The following PHLDB2 variants were observed in gnomAD, a reference collection of about 807,000 sequenced individuals.
PHLDB2 encodes the protein pleckstrin homology like domain family B member 2.
In PHLDB2, 71 loss-of-function variants were observed where a neutral mutation model predicts 123.6. The ratio of observed to expected loss-of-function variants is 0.57; its 90% CI spans 0.47 to 0.70. The LOEUF (loss-of-function observed/expected upper bound fraction) is 0.70. Ranked by LOEUF, PHLDB2 falls within the 30% of genes least tolerant of loss-of-function variation. PHLDB2 has a pLI of 0.00. For synonymous variants in PHLDB2, 547 were observed against 541.6 expected (o/e 1.01, Z -0.14); for missense variants, 1,446 against 1,519.5 (o/e 0.95, Z 0.80).
At chr3:111,781,824 G>A (rs989851231) in intron 1 of PHLDB2, among the ~76,000 whole-genome samples, 1 of 152,018 alleles carries the variant, frequency 6.6e-6, no homozygotes, top group Non-Finnish European at 1.5e-5. Context: ...AAAAGAATCC[G>A]GAGAACTTTG....
At chr3:111,831,126 A>T (rs1177523503) in intron 1 of PHLDB2, among the ~76,000 whole-genome samples, 1 of 152,116 alleles carries the variant, frequency 6.6e-6, no homozygotes, top group African/African-American at 2.4e-5. Context: ...ATCCCTACCT[A>T]TACTTAATCA....
At chr3:111,795,963 C>A (rs1039227446) in intron 1 of PHLDB2, among the ~76,000 whole-genome samples, 1 of 152,198 alleles carries the variant, frequency 6.6e-6, no homozygotes, top group Non-Finnish European at 1.5e-5. Flanking sequence ...GTGGCGCGAT[C>A]TCGGCTGACT....
chr3:111,946,625 C>T (rs767732781), intron 9 of PHLDB2, among the ~76,000 whole-genome samples: 3 of 152,112 alleles, frequency 2.0e-5, no homozygotes, highest in Non-Finnish European at 4.4e-5. Context: ...ATGAACAAAG[C>T]GTGGTTGTGA....
At chr3:111,826,322 T>A (rs529485305) in intron 1 of PHLDB2, among the ~76,000 whole-genome samples, 1 of 151,842 alleles carries the variant, frequency 6.6e-6, no homozygotes, top group Non-Finnish European at 1.5e-5. Flanking sequence ...AAAAAAAAAA[T>A]TTAATTCAAA....
rs994385029 is a variant in PHLDB2 at position 111,925,437 on chromosome 3, C to T, written c.2001+5018C>T. Among the ~76,000 whole-genome samples the T allele has an allele frequency of 3.3e-5, 5 of 152,252 alleles. No homozygotes were observed. In the South Asian group the frequency reaches 1.0e-3, roughly 32 times the overall value. ...CTGACCTTGAGATACATGCCACCTG[C>T]CGGTTGTGTTCTCGGATAGTAGCCA... On this transcript the variant is annotated intron_variant, in intron 5 of 17. Transcript: ENST00000431670.
At chr3:111,846,000 T>G (rs564922506) in intron 2 of PHLDB2, 11 of 1,507,216 alleles carry the variant, frequency 7.3e-6, no homozygotes, top group Non-Finnish European at 1.0e-5. Flanking sequence ...TCATACATAT[T>G]GGGAATGAGC....
At chr3:111,891,389 G>A (rs1226430886) in intron 2 of PHLDB2, among the ~76,000 whole-genome samples, 1 of 152,004 alleles carries the variant, frequency 6.6e-6, no homozygotes, top group African/African-American at 2.4e-5. Context: ...AAAAGAGCAT[G>A]AACACTATTG....
At chr3:111,902,409 G>T (rs1463413939) in intron 2 of PHLDB2, among the ~76,000 whole-genome samples, 1 of 152,190 alleles carries the variant, frequency 6.6e-6, no homozygotes, top group Admixed American at 6.5e-5. Flanking sequence ...AGTGAGCCAT[G>T]ATCACATTAT....
At chr3:111,863,898 C>T (rs1349722862) in intron 1 of PHLDB2, among the ~76,000 whole-genome samples, 1 of 152,206 alleles carries the variant, frequency 6.6e-6, no homozygotes, top group African/African-American at 2.4e-5. Flanking sequence ...CTCCTGTTTA[C>T]ATTGCTATGG....
chr3:111,965,050 G>A (rs2071664199), intron 13 of PHLDB2, among the ~76,000 whole-genome samples: 1 of 152,170 alleles, frequency 6.6e-6, no homozygotes, highest in African/African-American at 2.4e-5. Context: ...TTGGGGCAAT[G>A]AAGTTTATCC....
intron 1 of PHLDB2, among the ~76,000 whole-genome samples, chr3:111,776,633 C>G (rs1255107962): frequency 6.6e-6 from 1 of 152,112 alleles, no homozygotes; most frequent in Non-Finnish European, 1.5e-5. Flanking sequence ...TGTAATAACT[C>G]ATACACCTAG....
At chr3:111,815,078 C>T (rs562515595) in intron 1 of PHLDB2, among the ~76,000 whole-genome samples, 2 of 152,152 alleles carry the variant, frequency 1.3e-5, no homozygotes, top group East Asian at 1.9e-4. Context: ...TTGCCTGCTG[C>T]CATCCATGTA....
chr3:111,857,450 C>CAA (rs72339280), upstream of PHLDB2, among the ~76,000 whole-genome samples: 344 of 113,306 alleles, frequency 3.0e-3, 1 homozygote, highest in South Asian at 0.016. Context: ...GGCCCTGTCT[C>CAA]AAAAAAAAAA....
At chr3:111,764,020 T>C (rs1434869523) in intron 1 of PHLDB2, among the ~76,000 whole-genome samples, 1 of 152,218 alleles carries the variant, frequency 6.6e-6, no homozygotes, top group African/African-American at 2.4e-5. Context: ...AGGAAGCAGT[T>C]TGGCCTTCTG....
chr3:111,836,868 C>T (rs915190666), intron 1 of PHLDB2, among the ~76,000 whole-genome samples: 3 of 152,108 alleles, frequency 2.0e-5, no homozygotes, highest in African/African-American at 7.2e-5. Flanking sequence ...CCACCAGGTC[C>T]CTCCCTTGAC....
Position 111,898,145 on chromosome 3 carries a change from T to C in PHLDB2, c.1335+12733T>C, listed in dbSNP as rs554452538. ...AGCTGGTGGTTCTTGAAGGTTGGAG[T>C]GGCTGTGGCAATTTCTTTGTGTGTG... On this transcript the variant is annotated intron_variant, in intron 2 of 17. Coordinates refer to ENST00000431670, the MANE Select transcript of PHLDB2 (RefSeq NM_001134438.2). 2.8e-3 allele frequency among the ~76,000 whole-genome samples: 421 copies of C among 151,274 alleles called. 3 individuals are homozygous for C. Among genetic ancestry groups the C allele is most frequent in the African/African-American group, 0.01 (415 of 41,138 alleles).
chr3:111,759,539 T>G (rs2059958752), intron 1 of PHLDB2, among the ~76,000 whole-genome samples: 2 of 152,342 alleles, frequency 1.3e-5, no homozygotes, highest in East Asian at 1.9e-4. Context: ...CACATATGTA[T>G]GTATGTATAT....
chr3:111,898,172 GTGTGTGTGTT>G (rs1424501836), intron 2 of PHLDB2, among the ~76,000 whole-genome samples: 39 of 131,958 alleles, frequency 3.0e-4, no homozygotes, highest in African/African-American at 9.3e-4. Flanking sequence ...TTGTGTGTGT[GTGTGTGTGTT>G]TGTGTGTGTG....
chr3:111,900,961 A>G (rs1181605691), intron 2 of PHLDB2, among the ~76,000 whole-genome samples: 1 of 151,872 alleles, frequency 6.6e-6, no homozygotes, highest in Non-Finnish European at 1.5e-5. Context: ...GCTTCAAGCG[A>G]TCCTCCTGCC....
Sources: gnomAD v4.1 joint callset for allele counts (sites outside exome capture counted in the v4.1 genomes callset) on GRCh38, gnomAD v4.1.1 for gene constraint, MANE v1.5 for transcripts, NCBI Gene and HGNC (gene_info 2026-07-23, HGNC 2026-07-21) for gene names.